The following FGF2 variants were observed in gnomAD, a reference collection of about 807,000 sequenced individuals.
The protein encoded by FGF2 is fibroblast growth factor 2.
In FGF2, 13 loss-of-function variants were observed where a neutral mutation model predicts 15.9. That is an observed-to-expected ratio of 0.82 (90% CI 0.53 to 1.30). The LOEUF is 1.30. FGF2 is among the 50% of genes most tolerant of loss of function. FGF2 has a pLI of 0.00. For missense variants in FGF2, 163 were observed against 196.9 expected, an observed-to-expected ratio of 0.83 and a Z score of 1.03; for synonymous variants, 90 against 78.4, an observed-to-expected ratio of 1.15 and a Z score of -0.78.
At chr4:122,845,857 T>A (rs1726099853) in intron 1 of FGF2, among the ~76,000 whole-genome samples, 1 of 152,188 alleles carries the variant, frequency 6.6e-6, no homozygotes, top group South Asian at 2.1e-4. Context: ...TTCACTGGAG[T>A]AGAACTTTTC....
At chr4:122,853,118 C>G (rs1005022564) in intron 1 of FGF2, among the ~76,000 whole-genome samples, 1 of 152,028 alleles carries the variant, frequency 6.6e-6, no homozygotes, top group Admixed American at 6.6e-5. Flanking sequence ...GGCAACATGG[C>G]AAAATGCCAT....
At chr4:122,869,353 T>A (rs1004546269) in intron 1 of FGF2, among the ~76,000 whole-genome samples, 2 of 152,210 alleles carry the variant, frequency 1.3e-5, no homozygotes, top group African/African-American at 4.8e-5. Flanking sequence ...TTTAAAATAG[T>A]TTTTTCTAAT....
At chr4:122,841,584 C>T (rs1725984558) in intron 1 of FGF2, among the ~76,000 whole-genome samples, 1 of 152,002 alleles carries the variant, frequency 6.6e-6, no homozygotes, top group African/African-American at 2.4e-5. Flanking sequence ...TTATGCTTTT[C>T]CTCTAAAAGA....
chr4:122,828,140 A>G (rs942540200), intron 1 of FGF2, among the ~76,000 whole-genome samples: 3 of 152,218 alleles, frequency 2.0e-5, no homozygotes, highest in Admixed American at 1.3e-4. Flanking sequence ...TGCTTTCTGT[A>G]AGAAACAATG....
At chr4:122,846,622 C>T (rs1726118089) in intron 1 of FGF2, among the ~76,000 whole-genome samples, 1 of 152,088 alleles carries the variant, frequency 6.6e-6, no homozygotes, top group Non-Finnish European at 1.5e-5. Context: ...GGATGTATAC[C>T]TAACTGCTAA....
intron 2 of FGF2, among the ~76,000 whole-genome samples, chr4:122,886,593 G>C (rs1727064821): frequency 6.6e-6 from 1 of 152,006 alleles, no homozygotes; most frequent in South Asian, 2.1e-4. Flanking sequence ...TGTATTCACA[G>C]ATATTTATTT....
rs770744253 is a variant in FGF2 at position 122,897,577 on chromosome 4, A to C, written c.*5181A>C. The C allele has an allele frequency of 2.0e-5, 26 of 1,306,008 alleles. 1 individual carries two copies. The highest frequency in any genetic ancestry group is 2.7e-5 in the Non-Finnish European group (24 of 900,460). The allele number at this position is 1,306,008 out of a possible 1,614,324, so 80.9% of individuals were successfully genotyped here. A position where few individuals can be genotyped will look rare whatever the true frequency, so the allele number is the denominator to read the frequency against. On this transcript the variant is annotated 3_prime_UTR_variant, in exon 3 of 3. Transcript: ENST00000644866. ...ATAAAGCAAGAAAGTAAACACATTA[A>C]TTTCCTCAACATTTTTAAGCCAATT...
chr4:122,867,994 A>G (rs1726636700), intron 1 of FGF2, among the ~76,000 whole-genome samples: 1 of 152,116 alleles, frequency 6.6e-6, no homozygotes, highest in Non-Finnish European at 1.5e-5. Flanking sequence ...TTTACTATTA[A>G]CTTGCCTAGT....
Position 122,895,125 on chromosome 4 carries a change from C to CG in FGF2, c.*2732dup, listed in dbSNP as rs1260935934. 3 of 152,134 alleles carry CG rather than the reference C, an allele frequency of 2.0e-5. No individual in the cohort carries two copies. Among genetic ancestry groups the CG allele is most frequent in the South Asian group, 2.1e-4 (1 of 4,820 alleles). The allele number at this position is 152,134 out of a possible 1,614,324, so 9.4% of individuals were successfully genotyped here. A position where few individuals can be genotyped will look rare whatever the true frequency, so the allele number is the denominator to read the frequency against. On this transcript the variant is annotated 3_prime_UTR_variant, in exon 3 of 3. Transcript: ENST00000644866. Reference sequence around the variant, plus strand: ...TAAGTGCTTTTGTCTCCAGAGTATGCGGGAGACCCTTCCACCTCAAGATGG... The same window carrying CG: ...TAAGTGCTTTTGTCTCCAGAGTATGCGGGGAGACCCTTCCACCTCAAGATGG...
Position 122,892,606 on chromosome 4 carries a change from A to G in FGF2, c.*210A>G, listed in dbSNP as rs1727217373. 1 of 1,435,974 alleles carries G rather than the reference A, an allele frequency of 7.0e-7. No homozygotes were observed. Among genetic ancestry groups the G allele is most frequent in the Non-Finnish European group, 9.1e-7 (1 of 1,099,762 alleles). 89.0% of individuals were successfully genotyped at this position (1,435,974 alleles called of 1,614,324 possible). On this transcript the variant is annotated 3_prime_UTR_variant, in exon 3 of 3. Transcript: ENST00000644866. ...ATGTATATTCTCCCTTTTATATTGCATCTGCTGTTACCCAGTGAAGCTTAC... is the reference window on the plus strand; with the variant it reads ...ATGTATATTCTCCCTTTTATATTGCGTCTGCTGTTACCCAGTGAAGCTTAC...
chr4:122,872,734 GA>G (rs1047204392), intron 1 of FGF2, among the ~76,000 whole-genome samples: 6 of 152,094 alleles, frequency 3.9e-5, no homozygotes, highest in African/African-American at 1.2e-4. Context: ...CATTGTTACA[GA>G]AAAAAATTTT....
intron 1 of FGF2, among the ~76,000 whole-genome samples, chr4:122,853,654 T>C (rs1560744528): frequency 1.7e-5 from 2 of 117,444 alleles, no homozygotes; most frequent in East Asian, 2.0e-4. Flanking sequence ...TTCACCACAC[T>C]ACTCCTGCTG....
At chr4:122,867,566 A>G (rs1578470044) in intron 1 of FGF2, among the ~76,000 whole-genome samples, 2 of 152,276 alleles carry the variant, frequency 1.3e-5, no homozygotes, top group Middle Eastern at 3.4e-3. Context: ...GGCTGGTCTC[A>G]AACCCTGGGC....
intron 1 of FGF2, among the ~76,000 whole-genome samples, chr4:122,855,222 CAAG>C (rs1726316213): frequency 6.6e-6 from 1 of 152,102 alleles, no homozygotes; most frequent in South Asian, 2.1e-4. Context: ...TCAAATCACC[CAAG>C]AAGCATTTCG....
intron 2 of FGF2, chr4:122,882,659 C>T (rs1036402827): frequency 2.0e-5 from 3 of 152,204 alleles, no homozygotes; most frequent in African/African-American, 4.8e-5. Flanking sequence ...TCTGTAGAGA[C>T]AAAGCCATGG....
rs1246652416 is a variant in FGF2, at chr4:122,827,046, G to A, written c.-129G>A. Reference sequence around the variant, plus strand: ...CGGGCGCGGCCGCGCGCTGCCGGGCGGGAGGCTGGGGGGCCGGGGCCGGGG... The same window carrying A: ...CGGGCGCGGCCGCGCGCTGCCGGGCAGGAGGCTGGGGGGCCGGGGCCGGGG... On this transcript the variant is annotated 5_prime_UTR_variant, in exon 1 of 3. Coordinates refer to ENST00000644866, the MANE Select transcript of FGF2 (RefSeq NM_001361665.2). This position sits in a 1 kb window ranked among gnomAD's most constrained non-coding sequence, Gnocchi z 4.2. 4.4e-6 allele frequency: 5 copies of A among 1,126,156 alleles called. No individual in the cohort carries two copies. Among genetic ancestry groups the A allele is most frequent in the South Asian group, 4.3e-5 (1 of 23,414 alleles). The allele number at this position is 1,126,156 out of a possible 1,614,324, so 69.8% of individuals were successfully genotyped here. A position where few individuals can be genotyped will look rare whatever the true frequency, so the allele number is the denominator to read the frequency against.
Position 122,897,903 on chromosome 4 carries a change from A to G in FGF2, c.*5507A>G, listed in dbSNP as rs956968770. The stretch of plus-strand genomic sequence containing the variant: ...TTCCCACCTTTTCTCTTCAGGAAAT[A>G]TAAGTGGTTTTGTTTGGTTAACGTG... On this transcript the variant is annotated 3_prime_UTR_variant, in exon 3 of 3. Coordinates refer to ENST00000644866, the MANE Select transcript of FGF2 (RefSeq NM_001361665.2). 4 of 523,532 alleles carry G rather than the reference A, an allele frequency of 7.6e-6. No homozygotes were observed. The highest frequency in any genetic ancestry group is 5.8e-5 in the African/African-American group (3 of 51,976). The allele number at this position is 523,532 out of a possible 1,614,324, so 32.4% of individuals were successfully genotyped here.
intron 1 of FGF2, among the ~76,000 whole-genome samples, chr4:122,842,752 G>A (rs950134332): frequency 2.6e-5 from 4 of 152,054 alleles, no homozygotes; most frequent in Admixed American, 2.6e-4. Context: ...ATTGCTGCTG[G>A]CTACTAGAAA....
intron 1 of FGF2, among the ~76,000 whole-genome samples, chr4:122,837,709 T>C (rs1725894614): frequency 6.6e-6 from 1 of 152,092 alleles, no homozygotes; most frequent in Admixed American, 6.6e-5. Flanking sequence ...CTACTTGAAT[T>C]GGATGGGGAC....
Sources: gnomAD v4.1 joint callset for allele counts (sites outside exome capture counted in the v4.1 genomes callset) on GRCh38, gnomAD v4.1.1 for gene constraint, Gnocchi (gnomAD v3.1) non-coding constraint, MANE v1.5 for transcripts, NCBI Gene and HGNC (gene_info 2026-07-23, HGNC 2026-07-21) for gene names.